ARID1B: variants seen among roughly 807,000 people sequenced by gnomAD.
ARID1B encodes AT-rich interactive domain-containing protein 1B.
ARID1B carries 30 observed loss-of-function variants against 212.3 expected under a neutral mutation model. The ratio of observed to expected loss-of-function variants is 0.14; its 90% confidence interval spans 0.11 to 0.19. The LOEUF (loss-of-function observed/expected upper bound fraction) is 0.19. Ranked by LOEUF, ARID1B falls within the 10% of genes least tolerant of loss-of-function variation. ARID1B has a pLI of 1.00. For missense variants in ARID1B, 2,891 were observed against 3,204.0 expected (o/e 0.90, Z 2.36); for synonymous variants, 1,402 against 1,301.7 (o/e 1.08, Z -1.66).
chr6:156,965,867 C>T (rs934225682), intron 4 of ARID1B, among the ~76,000 whole-genome samples: 1 of 152,136 alleles, frequency 6.6e-6, no homozygotes, highest in African/African-American at 2.4e-5. Context: ...TGAGACTTTT[C>T]AGATTAGACT....
intron 19 of ARID1B, chr6:157,204,242 G>A (rs1266601278): frequency 2.5e-6 from 1 of 402,010 alleles, no homozygotes; most frequent in Non-Finnish European, 4.5e-6. Context: ...GTGTGTGTAT[G>A]TGTATATGGG....
In ARID1B at chr6:156,955,834, A is replaced by G. The variant is rs953640386; in HGVS notation, c.2247+20258A>G. Among the ~76,000 whole-genome samples the G allele has an allele frequency of 2.0e-5, 3 of 152,158 alleles. No homozygotes were observed. The highest frequency in any genetic ancestry group is 1.3e-4 in the Admixed American group (2 of 15,280). On this transcript the variant is annotated intron_variant, in intron 4 of 19. Coordinates refer to ENST00000636930, the MANE Select transcript of ARID1B (RefSeq NM_001374828.1). This position sits in a 1 kb window ranked among gnomAD's most constrained non-coding sequence, Gnocchi z 4.2. ...TGAAGTAGCCCCATTTCAGGGGCCT[A>G]AGATTTTAGGGAGGAGGGCTGTTGG... is the stretch of plus-strand genomic sequence containing the variant.
At chr6:157,124,248 T>C (rs576223689) in intron 6 of ARID1B, among the ~76,000 whole-genome samples, 165 of 152,364 alleles carry the variant, frequency 1.1e-3, no homozygotes, top group African/African-American at 3.9e-3. Context: ...GAAGATGGTT[T>C]ATTTTTCACT....
intron 4 of ARID1B, among the ~76,000 whole-genome samples, chr6:157,052,793 C>T (rs368968332): frequency 8.0e-4 from 122 of 152,276 alleles, no homozygotes; most frequent in African/African-American, 2.8e-3. Context: ...AGTCTCGGCT[C>T]ACTGCAACCT....
At chr6:156,903,313 T>TA (rs1446500595) in intron 3 of ARID1B, among the ~76,000 whole-genome samples, 1 of 152,252 alleles carries the variant, frequency 6.6e-6, no homozygotes, top group Non-Finnish European at 1.5e-5. Flanking sequence ...TTGAATACAA[T>TA]AAATTATATG....
At chr6:157,021,406 G>C (rs1002592837) in intron 4 of ARID1B, among the ~76,000 whole-genome samples, 3 of 152,344 alleles carry the variant, frequency 2.0e-5, no homozygotes, top group Admixed American at 6.5e-5. Context: ...GCTGGGCGAG[G>C]ATGAGGGCGG....
chr6:157,006,962 C>A (rs1413596559), intron 4 of ARID1B, among the ~76,000 whole-genome samples: 1 of 152,358 alleles, frequency 6.6e-6, no homozygotes, highest in Middle Eastern at 3.4e-3. Context: ...TACACACACA[C>A]ACACAGACAC....
intron 8 of ARID1B, among the ~76,000 whole-genome samples, chr6:157,154,935 A>G (rs1348538887): frequency 6.6e-6 from 1 of 150,616 alleles, no homozygotes; most frequent in Non-Finnish European, 1.5e-5. Flanking sequence ...GTTACACAAC[A>G]CCTCTTCATT....
chr6:156,862,520 T>C (rs991177189), intron 2 of ARID1B, among the ~76,000 whole-genome samples: 8 of 152,134 alleles, frequency 5.3e-5, no homozygotes, highest in African/African-American at 1.7e-4. Context: ...AGCTCTGTCA[T>C]AAAATGGATG....
At chr6:157,016,240 G>GT (rs1289951372) in intron 4 of ARID1B, among the ~76,000 whole-genome samples, 1 of 152,004 alleles carries the variant, frequency 6.6e-6, no homozygotes, top group Non-Finnish European at 1.5e-5. Context: ...TATGTCTTCA[G>GT]TTTTTAAAAA....
intron 1 of ARID1B, among the ~76,000 whole-genome samples, chr6:156,791,069 T>A (rs1007967273): frequency 6.6e-5 from 10 of 152,244 alleles, no homozygotes; most frequent in Admixed American, 1.3e-4. Flanking sequence ...AGAATATGCT[T>A]TTTTAGTCTA....
Position 157,200,994 on chromosome 6 carries a change from C to T in ARID1B, c.4769C>T (p.Ala1590Val), listed in dbSNP as rs2128373864. ...GGGCCTCAGCAGAATATGTGGGCAG[C>T]ACGCAATGATATGCCTTATCCCTAC... ...SEGPQQNMWA[A>V]RNDMPYPYQN... Residue 1590 changes from alanine to valine, a missense_variant, in exon 18 of 20, where the codon GCA (alanine) becomes GTA (valine). By Grantham distance (64) the Ala-to-Val change is moderately conservative. This residue lies in a region of ARID1B where 666 missense variants were observed against 873.5 expected (regional missense o/e 0.76). Coordinates refer to ENST00000636930, the MANE Select transcript of ARID1B (RefSeq NM_001374828.1). The surrounding 1 kb of genome is among the most constrained non-coding windows in gnomAD (Gnocchi z 4.3). 1 of 1,614,130 alleles carries T rather than the reference C, an allele frequency of 6.2e-7. No homozygotes were observed. The highest frequency in any genetic ancestry group is 8.5e-7 in the Non-Finnish European group (1 of 1,179,984).
At chr6:157,083,013 G>A (rs572430152) in intron 4 of ARID1B, among the ~76,000 whole-genome samples, 31 of 152,262 alleles carry the variant, frequency 2.0e-4, no homozygotes, top group Non-Finnish European at 3.5e-4. Flanking sequence ...AGGGTACTAG[G>A]ATCCTAATCC....
intron 4 of ARID1B, chr6:157,030,334 T>C (rs1204598719): frequency 6.6e-6 from 1 of 152,274 alleles, no homozygotes; most frequent in Non-Finnish European, 1.5e-5. Context: ...GACTTGGAAG[T>C]GGCACAGCAT....
intron 4 of ARID1B, among the ~76,000 whole-genome samples, chr6:157,040,125 A>G (rs1781778796): frequency 6.6e-6 from 1 of 152,006 alleles, no homozygotes; most frequent in Non-Finnish European, 1.5e-5. Context: ...TTCTTAGTAG[A>G]GACGGGGTTT....
intron 5 of ARID1B, among the ~76,000 whole-genome samples, chr6:157,102,604 CTTTTTTTTTTTT>C (rs35977420): frequency 1.7e-4 from 11 of 66,280 alleles, no homozygotes; most frequent in Admixed American, 6.2e-4. Flanking sequence ...CTGAGTGGTT[CTTTTTTTTTTTT>C]TTTTTTTTTT....
chr6:157,131,846 G>A (rs1322235128), intron 6 of ARID1B, among the ~76,000 whole-genome samples: 3 of 151,862 alleles, frequency 2.0e-5, no homozygotes, highest in Admixed American at 6.6e-5. Context: ...ACCTGCCACC[G>A]TGCCCGGCTA....
intron 1 of ARID1B, among the ~76,000 whole-genome samples, chr6:156,809,733 A>G (rs1184272330): frequency 1.3e-5 from 2 of 151,358 alleles, no homozygotes; most frequent in African/African-American, 4.8e-5. Flanking sequence ...AAAAAAAAAA[A>G]AGGACTCCCT....
chr6:157,167,094 C>G lies in ARID1B; in HGVS notation c.3144C>G (p.Pro1048=), dbSNP rs373256784. 6.2e-7 allele frequency: 1 copy of G among 1,612,698 alleles called. No homozygotes were observed. Among genetic ancestry groups the G allele is most frequent in the East Asian group, 2.2e-5 (1 of 44,882 alleles). ...GTGGACTTATGGCTTCCAGCTCTCCCTACAGCCAGCCCATGAACAACAGCT... is the reference window on the plus strand; with the variant it reads ...GTGGACTTATGGCTTCCAGCTCTCCGTACAGCCAGCCCATGAACAACAGCT... ...NQSGLMASSS[P]YSQPMNNSSS... Residue 1048 remains proline, a synonymous_variant, in exon 9 of 20, where the codon CCC becomes CCG. Coordinates refer to ENST00000636930, the MANE Select transcript of ARID1B (RefSeq NM_001374828.1).
Sources: gnomAD v4.1 joint callset for allele counts (sites outside exome capture counted in the v4.1 genomes callset) on GRCh38, gnomAD v4.1.1 for gene constraint, gnomAD v4.1.1 regional missense constraint, Gnocchi (gnomAD v3.1) non-coding constraint, MANE v1.5 for transcripts, NCBI Gene and HGNC (gene_info 2026-07-23, HGNC 2026-07-21) for gene names.